Variants in NLRP8 observed in about 807,000 individuals in gnomAD.
NLRP8 encodes the protein NLR family pyrin domain containing 8.
A neutral mutation model predicts 88.7 loss-of-function variants in NLRP8; 86 were observed. The observed-to-expected ratio is 0.97, with a 90% CI of 0.81 to 1.16. NLRP8 has a LOEUF of 1.16. NLRP8 is among the 50% of genes most tolerant of loss of function. The pLI is 0.00. For synonymous variants in NLRP8, 504 were observed against 494.6 expected (o/e 1.02, Z -0.25); for missense variants, 1,342 against 1,286.5 (o/e 1.04, Z -0.66).
chr19:55,966,352 TCC>T lies in NLRP8; in HGVS notation c.2358_2359del (p.Arg787ValfsTer16). 1.2e-6 allele frequency: 2 copies of T among 1,613,532 alleles called. No individual in the cohort carries two copies. The highest frequency in any genetic ancestry group is 2.2e-5 in the South Asian group (2 of 91,030). On this transcript the variant is annotated frameshift_variant, in exon 5 of 10. Transcript: ENST00000291971. LOFTEE classifies it high-confidence loss of function. ...GAAGCTTCTATGCAGGGTGCTGAGATCCCCCCGGTGCCGTCTGCAGTGTCTCA... is the reference window on the plus strand; with the variant it reads ...GAAGCTTCTATGCAGGGTGCTGAGATCCCCGGTGCCGTCTGCAGTGTCTCA...
Position 55,955,732 on chromosome 19 carries a change from C to T in NLRP8, c.1674C>T (p.Phe558=). 6.2e-7 allele frequency: 1 copy of T among 1,614,068 alleles called. No individual in the cohort carries two copies. The highest frequency in any genetic ancestry group is 8.5e-7 in the Non-Finnish European group (1 of 1,179,944). Residue 558 remains phenylalanine, a synonymous_variant, in exon 3 of 10, where the codon TTC becomes TTT. Transcript: ENST00000291971. Reference sequence around the variant, plus strand: ...GCTATCTCTCTCACATGGGACTTTTCTTATTCGGTTTTCTGAACGAGGCCT... The same window carrying T: ...GCTATCTCTCTCACATGGGACTTTTTTTATTCGGTTTTCTGAACGAGGCCT...
chr19:55,979,975 C>G (rs10401881), intron 9 of NLRP8, among the ~76,000 whole-genome samples: 3,582 of 152,210 alleles, frequency 0.024, 144 homozygotes, highest in African/African-American at 0.077. Flanking sequence ...GTGTTGCTAC[C>G]ATTCTGCTTT....
chr19:55,979,742 C>T (rs1459130011), intron 9 of NLRP8, among the ~76,000 whole-genome samples, 178 bp downstream of exon 9: 1 of 152,032 alleles, frequency 6.6e-6, no homozygotes, highest in Non-Finnish European at 1.5e-5. Context: ...CATTGCAAAA[C>T]CCTGTCTTCT....
At chr19:55,959,459 G>A (rs1268547835) in intron 3 of NLRP8, among the ~76,000 whole-genome samples, 3 of 151,692 alleles carry the variant, frequency 2.0e-5, no homozygotes, top group Non-Finnish European at 1.5e-5. Context: ...TGATCCACCC[G>A]CCTCGGCCTC....
intron 3 of NLRP8, among the ~76,000 whole-genome samples, chr19:55,958,318 G>T (rs961858616): frequency 1.3e-5 from 2 of 152,184 alleles, no homozygotes. Context: ...GCTCATCCTA[G>T]ACATATACTG....
rs780447288 is a variant in NLRP8 at position 55,962,107 on chromosome 19, T to C, written c.2083T>C (p.Leu695=). The change falls in exon 4 of 10, where the codon TTA becomes CTA. Residue 695 remains leucine (L), a synonymous_variant. Coordinates refer to ENST00000291971, the MANE Select transcript of NLRP8 (RefSeq NM_176811.2). ...TGGGCTGCATCGTTGGTGGCAAGACTTATGCTCTGTGTTTGCAACGAATGA... is the reference window on the plus strand; with the variant it reads ...TGGGCTGCATCGTTGGTGGCAAGACCTATGCTCTGTGTTTGCAACGAATGA... 1.2e-6 allele frequency: 2 copies of C among 1,614,206 alleles called. No individual in the cohort carries two copies. The highest frequency in any genetic ancestry group is 2.2e-5 in the East Asian group (1 of 44,882).
At chr19:55,980,959 A>G (rs922579900) in intron 9 of NLRP8, among the ~76,000 whole-genome samples, 100 bp from the exon 10 acceptor site, 2 of 152,096 alleles carry the variant, frequency 1.3e-5, no homozygotes, top group African/African-American at 4.8e-5. Flanking sequence ...GTGGTCTCCT[A>G]GGTGGTAAAT....
chr19:55,971,356 C>T (rs941537175), intron 6 of NLRP8, among the ~76,000 whole-genome samples: 1 of 146,976 alleles, frequency 6.8e-6, no homozygotes, highest in Non-Finnish European at 1.5e-5. Context: ...AGGAGAATCC[C>T]TTGAACCCAG....
chr19:55,983,731 C>T (rs375621832), intron 9 of NLRP8, among the ~76,000 whole-genome samples: 2 of 138,956 alleles, frequency 1.4e-5, no homozygotes, highest in South Asian at 2.3e-4. Flanking sequence ...CTGAGATAAA[C>T]ACAGCAGGGC....
At chr19:55,958,753 G>T (rs1979481783) in intron 3 of NLRP8, among the ~76,000 whole-genome samples, 1 of 152,260 alleles carries the variant, frequency 6.6e-6, no homozygotes, top group Middle Eastern at 3.4e-3. Flanking sequence ...GTCTCACTTT[G>T]TTACCCAGCC....
Position 55,948,174 on chromosome 19 carries a change from G to A in NLRP8, c.272G>A (p.Arg91His), listed in dbSNP as rs149738419. Residue 91 changes from arginine (R) to histidine (H), a missense_variant, in exon 1 of 10, where the codon CGT (arginine) becomes CAT (histidine). Physicochemically the swap from Arg to His is conservative, Grantham distance 29. Transcript: ENST00000291971. ...GAGGTGGTTCATCTCTTGATAGAGC[G>A]TTTCCCTGGACGACGCGCTTGGGAT... 6.1e-5 allele frequency: 98 copies of A among 1,614,006 alleles called. No homozygotes were observed. Among genetic ancestry groups the A allele is most frequent in the Admixed American group, 3.5e-4 (21 of 59,976 alleles).
chr19:55,977,384 A>T (rs968707715), intron 8 of NLRP8, among the ~76,000 whole-genome samples: 2 of 142,428 alleles, frequency 1.4e-5, no homozygotes, highest in Middle Eastern at 3.4e-3. Flanking sequence ...TAAATATATA[A>T]AATAAATACG....
At chr19:55,960,579 G>A (rs907463146) in intron 3 of NLRP8, among the ~76,000 whole-genome samples, 6 of 152,088 alleles carry the variant, frequency 3.9e-5, no homozygotes, top group Non-Finnish European at 5.9e-5. Context: ...CTTAAGACAC[G>A]ACATATTTCT....
intron 3 of NLRP8, among the ~76,000 whole-genome samples, chr19:55,957,054 A>G (rs954027440): frequency 6.6e-6 from 1 of 152,112 alleles, no homozygotes; most frequent in African/African-American, 2.4e-5. Context: ...TGGCCTCCCA[A>G]AGCACTGGAA....
rs1978923987 is a variant in NLRP8 at position 55,948,034 on chromosome 19, C to T, written c.132C>T (p.Tyr44=). The change falls in exon 1 of 10, where the codon TAC becomes TAT. Residue 44 remains tyrosine, a synonymous_variant. Transcript: ENST00000291971. ...CATGTGAAAATGGGGTCATGCTGTA[C>T]ATGAGAAACGTGAGCCATGAGGAGC... The T allele has an allele frequency of 1.2e-6, 2 of 1,614,064 alleles. No individual in the cohort carries two copies. Among genetic ancestry groups the T allele is most frequent in the Non-Finnish European group, 1.7e-6 (2 of 1,180,010 alleles).
intron 6 of NLRP8, among the ~76,000 whole-genome samples, chr19:55,971,061 C>G (rs1182740782): frequency 6.6e-6 from 1 of 152,124 alleles, no homozygotes; most frequent in Non-Finnish European, 1.5e-5. Context: ...TCAGGTTGAT[C>G]AGGCTCCTTA....
Position 55,951,397 on chromosome 19 carries a change from C to G in NLRP8, c.368-1141C>G, listed in dbSNP as rs146967466. 3.2e-3 allele frequency among the ~76,000 whole-genome samples: 494 copies of G among 152,284 alleles called. 2 individuals are homozygous for G. The highest frequency in any genetic ancestry group is 0.011 in the African/African-American group (473 of 41,556). ...TTGTGTTTTCCTGGGGGCAATGGTT[C>G]AGTATTAGCGAATTTGGTGTTCACA... is the stretch of plus-strand genomic sequence containing the variant. On this transcript the variant is annotated intron_variant, in intron 1 of 9. Coordinates refer to ENST00000291971, the MANE Select transcript of NLRP8 (RefSeq NM_176811.2).
intron 3 of NLRP8, among the ~76,000 whole-genome samples, chr19:55,958,596 C>T (rs185074587): frequency 2.6e-5 from 4 of 152,264 alleles, no homozygotes; most frequent in Admixed American, 6.5e-5. Context: ...ACCACACTGC[C>T]GCGGCAGGAC....
intron 8 of NLRP8, among the ~76,000 whole-genome samples, chr19:55,978,470 G>T (rs923890428): frequency 6.6e-6 from 1 of 151,986 alleles, no homozygotes; most frequent in African/African-American, 2.4e-5. Flanking sequence ...TCTGGTGAGA[G>T]CCTTAGTGCT....
Sources: gnomAD v4.1 joint callset for allele counts (sites outside exome capture counted in the v4.1 genomes callset) on GRCh38, gnomAD v4.1.1 for gene constraint, MANE v1.5 for transcripts, NCBI Gene and HGNC (gene_info 2026-07-23, HGNC 2026-07-21) for gene names.